MAP7: variants seen among roughly 807,000 people sequenced by gnomAD.
MAP7 encodes ensconsin.
A neutral mutation model predicts 94.8 loss-of-function variants in MAP7; 52 were observed. The ratio of observed to expected loss-of-function variants is 0.55; its 90% CI spans 0.44 to 0.69. The LOEUF is 0.69. Ranked by LOEUF, MAP7 falls within the 30% of genes least tolerant of loss-of-function variation. MAP7 has a pLI of 0.00. For missense variants in MAP7, 940 were observed against 964.6 expected, an observed-to-expected ratio of 0.97 and a Z score of 0.34; for synonymous variants, 350 against 357.0, an observed-to-expected ratio of 0.98 and a Z score of 0.22.
chr6:136,381,370 G>A (rs1398301192), intron 6 of MAP7, among the ~76,000 whole-genome samples: 1 of 151,846 alleles, frequency 6.6e-6, no homozygotes, highest in Non-Finnish European at 1.5e-5. Context: ...GTAGAGATGG[G>A]GTTTCGCGAT....
chr6:136,378,452 T>G (rs918815203), intron 6 of MAP7, among the ~76,000 whole-genome samples: 3 of 152,204 alleles, frequency 2.0e-5, no homozygotes, highest in Non-Finnish European at 4.4e-5. Flanking sequence ...TCGTGCAAAG[T>G]TCTGTATGGG....
chr6:136,352,523 T>C (rs1016736754), intron 16 of MAP7, among the ~76,000 whole-genome samples: 3 of 152,182 alleles, frequency 2.0e-5, no homozygotes, highest in Non-Finnish European at 4.4e-5. Flanking sequence ...TTTTCCTTTT[T>C]TCCCTATCAT....
chr6:136,373,064 G>C (rs754195150), intron 7 of MAP7, among the ~76,000 whole-genome samples: 4 of 152,116 alleles, frequency 2.6e-5, no homozygotes, highest in Non-Finnish European at 5.9e-5. Flanking sequence ...GCTTTAAGAT[G>C]GAACAAAAGG....
intron 1 of MAP7, among the ~76,000 whole-genome samples, chr6:136,524,301 A>G (rs1827241301): frequency 6.6e-6 from 1 of 152,222 alleles, no homozygotes; most frequent in Admixed American, 6.5e-5. Context: ...ATCCTAAGTT[A>G]CTGTCCAAGA....
chr6:136,473,287 T>C (rs1809678912), intron 1 of MAP7, among the ~76,000 whole-genome samples: 1 of 152,214 alleles, frequency 6.6e-6, no homozygotes, highest in South Asian at 2.1e-4. Flanking sequence ...CTCATCTGTT[T>C]AGTCCCTGAA....
chr6:136,513,393 A>G (rs1484398247), intron 1 of MAP7, among the ~76,000 whole-genome samples: 1 of 152,220 alleles, frequency 6.6e-6, no homozygotes, highest in East Asian at 1.9e-4. Context: ...TTCCATCTCA[A>G]GAAACCACTT....
At chr6:136,425,529 C>A (rs1792888102) in intron 1 of MAP7, among the ~76,000 whole-genome samples, 1 of 152,072 alleles carries the variant, frequency 6.6e-6, no homozygotes, top group Non-Finnish European at 1.5e-5. Flanking sequence ...AAAGAGTTAC[C>A]ATATCAGGCC....
chr6:136,468,044 C>A (rs1318170167), intron 1 of MAP7, among the ~76,000 whole-genome samples: 1 of 152,032 alleles, frequency 6.6e-6, no homozygotes, highest in African/African-American at 2.4e-5. Flanking sequence ...GTGGAGTGCC[C>A]CTTCTAGCCC....
chr6:136,388,396 C>A lies in MAP7; in HGVS notation c.523G>T (p.Ala175Ser). The change falls in exon 5 of 18, where the codon GCA becomes TCA. Residue 175 changes from alanine to serine, a missense_variant. Transcript: ENST00000354570. ...SLHGSPSIHSADPDRRSVSTM... is the reference protein window; with the variant it reads ...SLHGSPSIHSSDPDRRSVSTM... ...TTTCAAAGTGGTCACTGTTTACCTG[C>A]ACTGTGGATGCTAGGGCTCCCATGG... The A allele has an allele frequency of 6.2e-7, 1 of 1,612,346 alleles. No homozygotes were observed. The highest frequency in any genetic ancestry group is 2.2e-5 in the East Asian group (1 of 44,876).
chr6:136,533,063 G>A (rs1249119900), intron 1 of MAP7, among the ~76,000 whole-genome samples: 5 of 152,130 alleles, frequency 3.3e-5, no homozygotes, highest in East Asian at 1.9e-4. Context: ...ACCTGAGGTC[G>A]GGAGTTCGGG....
chr6:136,461,790 G>A (rs767692577), intron 1 of MAP7, among the ~76,000 whole-genome samples: 17 of 152,084 alleles, frequency 1.1e-4, no homozygotes, highest in Non-Finnish European at 2.4e-4. Flanking sequence ...TTACTCATAC[G>A]CTTTTAGGGT....
At chr6:136,514,509 C>A (rs780030528) in intron 1 of MAP7, among the ~76,000 whole-genome samples, 1 of 146,374 alleles carries the variant, frequency 6.8e-6, no homozygotes, top group Non-Finnish European at 1.5e-5. Flanking sequence ...TAGCTTGAAC[C>A]CAGGAGGCAG....
At chr6:136,437,427 A>C (rs902352235) in intron 1 of MAP7, among the ~76,000 whole-genome samples, 1 of 152,206 alleles carries the variant, frequency 6.6e-6, no homozygotes, top group Non-Finnish European at 1.5e-5. Flanking sequence ...ACTGTGTTGC[A>C]TAATTCTTTC....
At chr6:136,466,825 T>C in intron 1 of MAP7, 1 of 1,534,206 alleles carries the variant, frequency 6.5e-7, no homozygotes, top group Non-Finnish European at 8.7e-7. Flanking sequence ...CATATCTGCA[T>C]GTCTCCCTCT....
chr6:136,414,711 G>C (rs955671141), intron 2 of MAP7, among the ~76,000 whole-genome samples: 1 of 151,024 alleles, frequency 6.6e-6, no homozygotes, highest in Non-Finnish European at 1.5e-5. Context: ...GTATGATCAT[G>C]GCTCACTGCA....
At chr6:136,516,342 T>G (rs1481700320) in intron 1 of MAP7, among the ~76,000 whole-genome samples, 6 of 152,020 alleles carry the variant, frequency 3.9e-5, no homozygotes, top group African/African-American at 1.2e-4. Flanking sequence ...TTGTATTTTT[T>G]GTAGAGACGG....
At position 136,506,654 on chromosome 6, in the gene MAP7, C is replaced by G. The variant is rs972429451; in HGVS notation, c.67+43688G>C. Among the ~76,000 whole-genome samples, 12 of 152,282 alleles carry G rather than the reference C, an allele frequency of 7.9e-5. No homozygotes were observed. In the East Asian group the frequency reaches 2.3e-3, roughly 29 times the overall value. On this transcript the variant is annotated intron_variant, in intron 1 of 17. Coordinates refer to ENST00000354570, the MANE Select transcript of MAP7 (RefSeq NM_003980.6). ...TCACTGGAAAGGTTTCCTTCACTGA[C>G]GTGCAAGAACACTGGATAAATTCCT...
At chr6:136,382,575 T>C (rs1403311628) in intron 6 of MAP7, among the ~76,000 whole-genome samples, 3 of 152,158 alleles carry the variant, frequency 2.0e-5, no homozygotes, top group African/African-American at 7.2e-5. Flanking sequence ...TTAGGCAAAT[T>C]AGGTTAAAAA....
Position 136,360,781 on chromosome 6 carries a change from G to A in MAP7, c.1719C>T (p.Arg573=). The A allele has an allele frequency of 1.9e-6, 3 of 1,613,750 alleles. No homozygotes were observed. Among genetic ancestry groups the A allele is most frequent in the Non-Finnish European group, 1.7e-6 (2 of 1,180,024 alleles). Residue 573 remains arginine (R), a synonymous_variant, in exon 13 of 18, where the codon CGC becomes CGT. Transcript: ENST00000354570. The part of the protein sequence containing the change: ...RAQRQKEEEA[R]VREEAERVRQ... Reference sequence around the variant, plus strand: ...GGACCCTCTCTGCTTCTTCACGAACGCGAGCTTCTTCTTCTTTCTGAAAAC... The same window carrying A: ...GGACCCTCTCTGCTTCTTCACGAACACGAGCTTCTTCTTCTTTCTGAAAAC...
Sources: gnomAD v4.1 joint callset for allele counts (sites outside exome capture counted in the v4.1 genomes callset) on GRCh38, gnomAD v4.1.1 for gene constraint, MANE v1.5 for transcripts, NCBI Gene and HGNC (gene_info 2026-07-23, HGNC 2026-07-21) for gene names.